The following ZNF831 variants were observed in gnomAD, a reference collection of about 807,000 sequenced individuals.
ZNF831 encodes zinc finger protein 831.
ZNF831 carries 59 observed loss-of-function variants against 95.8 expected under a neutral mutation model. The ratio of observed to expected loss-of-function variants is 0.62; its 90% CI spans 0.50 to 0.77. The LOEUF is 0.77. Ranked by LOEUF, ZNF831 falls within the 30% of genes least tolerant of loss-of-function variation. The pLI is 0.00. For missense variants in ZNF831, 2,205 were observed against 2,164.0 expected, an observed-to-expected ratio of 1.02 and a Z score of -0.38; for synonymous variants, 961 against 925.5, an observed-to-expected ratio of 1.04 and a Z score of -0.70.
chr20:59,161,051 A>G (rs1244604101), upstream of ZNF831, among the ~76,000 whole-genome samples: 1 of 152,202 alleles, frequency 6.6e-6, no homozygotes, highest in Admixed American at 6.5e-5. Context: ...TGGAGAGTCT[A>G]TCTGTACCAT....
At position 59,258,278 on chromosome 20, in the gene ZNF831, A is replaced by G; in HGVS notation, c.*3535A>G. On this transcript the variant is annotated 3_prime_UTR_variant, in exon 6 of 6. Coordinates refer to ENST00000371030, the MANE Select transcript of ZNF831 (RefSeq NM_178457.3). ...AGACAGACTTTTTCTTCCTGAAATC[A>G]CTCTTCTAAAGCTGAGACCGGAAGA... 6.6e-6 allele frequency: 1 copy of G among 152,448 alleles called. No individual in the cohort carries two copies. 9.4% of individuals were successfully genotyped at this position (152,448 alleles called of 1,614,324 possible). A position where few individuals can be genotyped will look rare whatever the true frequency, so the allele number is the denominator to read the frequency against.
intron 4 of ZNF831, among the ~76,000 whole-genome samples, chr20:59,238,364 C>T (rs1987119892): frequency 6.6e-6 from 1 of 152,150 alleles, no homozygotes; most frequent in Non-Finnish European, 1.5e-5. Context: ...CCCCCAGTTT[C>T]CTCTGGAATC....
chr20:59,156,673 C>G (rs1279687723), intron 2 of ZNF831, among the ~76,000 whole-genome samples: 1 of 152,220 alleles, frequency 6.6e-6, no homozygotes, highest in Non-Finnish European at 1.5e-5. Context: ...CCCCATTTCT[C>G]CTCCCCTACT....
rs1568758203 is a variant in ZNF831 at position 59,194,001 on chromosome 20, A to G, written c.2982A>G (p.Ser994=). ...LGTPLSPSPA[S]GPSPGEADSI... is the part of the protein sequence containing the mutation. ...CCCCTCTTTCTCCCAGCCCAGCCTCAGGCCCCTCCCCAGGTGAGGCGGACA... is the reference window on the plus strand; with the variant it reads ...CCCCTCTTTCTCCCAGCCCAGCCTCGGGCCCCTCCCCAGGTGAGGCGGACA... The change falls in exon 2 of 6, where the codon TCA becomes TCG. Residue 994 remains serine, a synonymous_variant. Coordinates refer to ENST00000371030, the MANE Select transcript of ZNF831 (RefSeq NM_178457.3). 1 of 1,531,246 alleles carries G rather than the reference A, an allele frequency of 6.5e-7. No individual in the cohort carries two copies. The allele number at this position is 1,531,246 out of a possible 1,614,324, so 94.9% of individuals were successfully genotyped here.
At chr20:59,134,225 A>C (rs1979436517) in intron 1 of ZNF831, among the ~76,000 whole-genome samples, 1 of 152,014 alleles carries the variant, frequency 6.6e-6, no homozygotes, top group Non-Finnish European at 1.5e-5. Flanking sequence ...CTCCCTCCCT[A>C]CCAAAGAGGA....
At position 59,192,968 on chromosome 20, in the gene ZNF831, T is replaced by C; in HGVS notation, c.1949T>C (p.Met650Thr). 1 of 1,594,712 alleles carries C rather than the reference T, an allele frequency of 6.3e-7. No individual in the cohort carries two copies. The highest frequency in any genetic ancestry group is 8.5e-7 in the Non-Finnish European group (1 of 1,171,268). ...GGCAAGAAAGCCAGGGAGGTGGGAA[T>C]GGGCAGTGGGGCAGAACTGGGCTTT... is the stretch of plus-strand genomic sequence containing the variant. ...HGGKKAREVG[M>T]GSGAELGFPL... Residue 650 changes from methionine (M) to threonine (T), a missense_variant, in exon 2 of 6, where the codon ATG becomes ACG. Met to Thr is a moderately conservative substitution (Grantham distance 81). Transcript: ENST00000371030. The surrounding 1 kb of genome is among the most constrained non-coding windows in gnomAD (Gnocchi z 5.2).
At chr20:59,232,077 A>G (rs1986754599) in intron 4 of ZNF831, among the ~76,000 whole-genome samples, 1 of 152,200 alleles carries the variant, frequency 6.6e-6, no homozygotes, top group African/African-American at 2.4e-5. Flanking sequence ...CAGAAAGTTA[A>G]TAGTGTATGT....
chr20:59,253,874 T>TTTTTCC, intron 5 of ZNF831, 24 bp from the exon 6 acceptor site: 1 of 824,564 alleles, frequency 1.2e-6, no homozygotes, highest in South Asian at 2.2e-5. Context: ...CCCCACTTTT[T>TTTTTCC]TTTTCCTTTG....
In ZNF831 at chr20:59,220,096, C is replaced by A. The variant is rs533160012; in HGVS notation, c.4027+13040C>A. On this transcript the variant is annotated intron_variant, in intron 4 of 5. Transcript: ENST00000371030. Reference sequence around the variant, plus strand: ...GACGGTTCTGCTTTTGAAAGACTTTCTGAAAACCGTTCTCATATTTGAGTT... The same window carrying A: ...GACGGTTCTGCTTTTGAAAGACTTTATGAAAACCGTTCTCATATTTGAGTT... 2.6e-5 allele frequency among the ~76,000 whole-genome samples: 4 copies of A among 152,316 alleles called. No homozygotes were observed. The East Asian group carries it at 7.7e-4, about 29-fold the overall frequency.
intron 2 of ZNF831, 109 bp downstream of exon 2, chr20:59,194,866 G>C: frequency 7.1e-7 from 1 of 1,398,866 alleles, no homozygotes; most frequent in Non-Finnish European, 9.4e-7. Flanking sequence ...AGCATCTGCT[G>C]TTCACTGCTT....
chr20:59,141,932 C>G (rs944886162), intron 1 of ZNF831, among the ~76,000 whole-genome samples: 4 of 152,130 alleles, frequency 2.6e-5, no homozygotes, highest in Non-Finnish European at 5.9e-5. Context: ...CCCAGCACCC[C>G]TGTGTTGGGA....
intron 3 of ZNF831, among the ~76,000 whole-genome samples, chr20:59,198,130 T>G (rs1259576667): frequency 6.6e-6 from 1 of 152,092 alleles, no homozygotes; most frequent in Admixed American, 6.5e-5. Flanking sequence ...CGAGGAAACT[T>G]TCTTAATCCA....
intron 4 of ZNF831, among the ~76,000 whole-genome samples, chr20:59,243,303 A>C (rs1255870406): frequency 2.0e-5 from 3 of 152,230 alleles, no homozygotes; most frequent in Non-Finnish European, 4.4e-5. Flanking sequence ...AAAAAATAGA[A>C]AAGCAAAGAA....
chr20:59,148,218 A>T (rs1436493503), intron 2 of ZNF831, among the ~76,000 whole-genome samples: 1 of 152,150 alleles, frequency 6.6e-6, no homozygotes, highest in Non-Finnish European at 1.5e-5. Flanking sequence ...GGACACGGAC[A>T]ATCTCATCAG....
upstream of ZNF831, among the ~76,000 whole-genome samples, chr20:59,161,790 G>C (rs1240594562): frequency 1.3e-5 from 2 of 152,186 alleles, no homozygotes; most frequent in African/African-American, 4.8e-5. Context: ...TAATGAGATT[G>C]CTGGGTCGAA....
chr20:59,167,227 C>T (rs1014182282), intron 1 of ZNF831, among the ~76,000 whole-genome samples: 8 of 152,036 alleles, frequency 5.3e-5, no homozygotes, highest in Non-Finnish European at 1.0e-4. Context: ...GGCTGTATAC[C>T]GTTTTTGGTG....
chr20:59,226,524 C>G (rs1986441180), intron 4 of ZNF831, among the ~76,000 whole-genome samples: 1 of 151,932 alleles, frequency 6.6e-6, no homozygotes, highest in Non-Finnish European at 1.5e-5. Flanking sequence ...TGAAATGCAG[C>G]TCTTTCTCGT....
intron 1 of ZNF831, among the ~76,000 whole-genome samples, chr20:59,123,902 C>A (rs1305452581): frequency 6.6e-6 from 1 of 152,180 alleles, no homozygotes; most frequent in East Asian, 1.9e-4. Flanking sequence ...GATTAAGAAG[C>A]TCTCTGAAGC....
At chr20:59,206,305 C>T (rs1440421311) in intron 3 of ZNF831, among the ~76,000 whole-genome samples, 4 of 151,740 alleles carry the variant, frequency 2.6e-5, no homozygotes, top group African/African-American at 9.7e-5. Context: ...ACAAATACAT[C>T]TTATTTGAAG....
Sources: allele counts gnomAD v4.1 joint callset (sites outside exome capture counted in the v4.1 genomes callset), GRCh38; gene constraint gnomAD v4.1.1; non-coding constraint Gnocchi (gnomAD v3.1); transcripts MANE v1.5; gene names NCBI Gene and HGNC (gene_info 2026-07-23, HGNC 2026-07-21).